The following NRG3 variants were observed in gnomAD, a reference collection of about 807,000 sequenced individuals.
The protein encoded by NRG3 is neuregulin 3.
Under a neutral mutation model 66.9 loss-of-function variants are expected in NRG3, and 31 were observed. The ratio of observed to expected loss-of-function variants is 0.46; its 90% confidence interval spans 0.35 to 0.63. NRG3 has a LOEUF of 0.63. Among genes scored for constraint, NRG3 ranks in the 20% least tolerant of loss-of-function variants. The pLI, the probability that NRG3 is intolerant of heterozygous loss-of-function variation, is 0.00. For missense variants in NRG3, 910 were observed against 878.9 expected (o/e 1.04, Z -0.45); for synonymous variants, 393 against 359.4 (o/e 1.09, Z -1.06).
chr10:81,944,586 GGTTA>G (rs2133126628), intron 1 of NRG3, among the ~76,000 whole-genome samples: 1 of 152,286 alleles, frequency 6.6e-6, no homozygotes, highest in South Asian at 2.1e-4. Flanking sequence ...GATTGGTATA[GGTTA>G]GTAAGTGTCA....
intron 2 of NRG3, among the ~76,000 whole-genome samples, chr10:82,609,486 G>A (rs2048173061): frequency 6.6e-6 from 1 of 151,696 alleles, no homozygotes; most frequent in African/African-American, 2.4e-5. Context: ...TTGCTGAAGT[G>A]TCATTTTCTG....
chr10:82,700,435 G>A (rs144710312), intron 2 of NRG3, among the ~76,000 whole-genome samples: 260 of 152,258 alleles, frequency 1.7e-3, no homozygotes, highest in African/African-American at 4.9e-3. Context: ...AGTTGGAGGT[G>A]GAAAGAGGGC....
intron 1 of NRG3, among the ~76,000 whole-genome samples, chr10:82,314,726 C>T (rs1221983503): frequency 2.6e-5 from 4 of 152,138 alleles, no homozygotes; most frequent in African/African-American, 7.2e-5. Flanking sequence ...AGGAGAATGG[C>T]GTGAACTGGG....
At chr10:82,926,747 C>G (rs1333102911) in intron 4 of NRG3, among the ~76,000 whole-genome samples, 1 of 152,202 alleles carries the variant, frequency 6.6e-6, no homozygotes, top group East Asian at 1.9e-4. Flanking sequence ...AAGTTTCTAA[C>G]TTTGAGGCCT....
rs747063117 is a variant in NRG3 at position 82,472,057 on chromosome 10, G to GA, written c.953+113200dup. On this transcript the variant is annotated intron_variant, in intron 2 of 8. Transcript: ENST00000372141. ...GTGGAGATAAATCATACTTGAAATT[G>GA]AAAAAAAAAAATACTAGAACAAATC... is the stretch of plus-strand genomic sequence containing the variant. Among the ~76,000 whole-genome samples the GA allele has an allele frequency of 2.6e-3, 376 of 145,062 alleles. 2 individuals carry two copies. Among genetic ancestry groups the GA allele is most frequent in the East Asian group, 4.2e-3 (21 of 5,018 alleles).
At chr10:82,260,607 A>G (rs2077975416) in intron 1 of NRG3, among the ~76,000 whole-genome samples, 1 of 152,170 alleles carries the variant, frequency 6.6e-6, no homozygotes, top group Non-Finnish European at 1.5e-5. Context: ...CTGGTTTGAG[A>G]TCGCTAGAGA....
rs894500866 is a variant in NRG3 at position 82,202,629 on chromosome 10, C to G, written c.824-156110C>G. 2.0e-5 allele frequency among the ~76,000 whole-genome samples: 3 copies of G among 152,240 alleles called. 1 individual carries two copies. Among genetic ancestry groups the G allele is most frequent in the African/African-American group, 4.8e-5 (2 of 41,540 alleles). The stretch of plus-strand genomic sequence containing the variant: ...ATTTCTACACAGATCAAAGCTTTTC[C>G]TGTGGTCGGAATGCTCTGATTGAAT... On this transcript the variant is annotated intron_variant, in intron 1 of 8. Coordinates refer to ENST00000372141, the MANE Select transcript of NRG3 (RefSeq NM_001010848.4).
intron 3 of NRG3, among the ~76,000 whole-genome samples, chr10:82,800,563 C>A (rs1355016073): frequency 1.3e-5 from 2 of 152,046 alleles, no homozygotes; most frequent in African/African-American, 4.8e-5. Flanking sequence ...ATGATATTGC[C>A]TAGCATTTAG....
intron 1 of NRG3, among the ~76,000 whole-genome samples, chr10:82,250,626 C>T (rs565735893): frequency 1.5e-4 from 23 of 152,266 alleles, no homozygotes; most frequent in South Asian, 8.3e-4. Flanking sequence ...ATCAAGACCA[C>T]GTTGGTCTTG....
chr10:82,154,037 T>G (rs775313369), intron 1 of NRG3, among the ~76,000 whole-genome samples: 1 of 152,022 alleles, frequency 6.6e-6, no homozygotes, highest in African/African-American at 2.4e-5. Flanking sequence ...CACTTCGTTC[T>G]TAATTGTTTT....
intron 2 of NRG3, among the ~76,000 whole-genome samples, chr10:82,575,060 A>C (rs574881684): frequency 6.6e-6 from 1 of 151,830 alleles, no homozygotes; most frequent in African/African-American, 2.4e-5. Context: ...AAAATTGCAG[A>C]GTGGATAGTG....
intron 1 of NRG3, among the ~76,000 whole-genome samples, chr10:82,111,801 T>C (rs566573907): frequency 6.6e-6 from 1 of 152,338 alleles, no homozygotes; most frequent in East Asian, 1.9e-4. Context: ...GCTTGTCTTG[T>C]CTTGACTAAT....
intron 1 of NRG3, among the ~76,000 whole-genome samples, chr10:81,926,656 A>C (rs1846821495): frequency 6.6e-6 from 1 of 152,156 alleles, no homozygotes. Context: ...TTTATTGTGG[A>C]AGTCCTACTT....
At chr10:82,143,205 AG>A (rs1286881702) in intron 1 of NRG3, among the ~76,000 whole-genome samples, 1 of 152,176 alleles carries the variant, frequency 6.6e-6, no homozygotes, top group Non-Finnish European at 1.5e-5. Flanking sequence ...TGAAAGGCCA[AG>A]GACAGTTTCT....
intron 2 of NRG3, among the ~76,000 whole-genome samples, chr10:82,470,271 C>T (rs983531060): frequency 1.4e-4 from 22 of 152,168 alleles, no homozygotes; most frequent in African/African-American, 5.3e-4. Context: ...TGGTAGAAAT[C>T]GCTGAGGCCT....
intron 2 of NRG3, among the ~76,000 whole-genome samples, chr10:82,572,825 G>C (rs929894752): frequency 6.6e-6 from 1 of 151,758 alleles, no homozygotes; most frequent in African/African-American, 2.4e-5. Context: ...TGAATAAAGA[G>C]AGAACATTTT....
chr10:82,019,904 A>AT (rs901824582), intron 1 of NRG3, among the ~76,000 whole-genome samples: 49 of 151,926 alleles, frequency 3.2e-4, no homozygotes, highest in African/African-American at 1.0e-3. Context: ...TGATTCATTG[A>AT]TTTTTTGAAG....
At chr10:82,169,222 G>A (rs1034334733) in intron 1 of NRG3, among the ~76,000 whole-genome samples, 6 of 151,982 alleles carry the variant, frequency 3.9e-5, no homozygotes, top group Admixed American at 3.9e-4. Context: ...ATTCTAAAAT[G>A]TTGGCTAGAT....
chr10:82,545,783 CTTT>C (rs1002975772), intron 2 of NRG3, among the ~76,000 whole-genome samples: 49 of 91,432 alleles, frequency 5.4e-4, no homozygotes, highest in African/African-American at 1.4e-3. Flanking sequence ...AATATCAACT[CTTT>C]TTTTTTTTTT....
Sources: gnomAD v4.1 joint callset for allele counts (sites outside exome capture counted in the v4.1 genomes callset) on GRCh38, gnomAD v4.1.1 for gene constraint, MANE v1.5 for transcripts, NCBI Gene and HGNC (gene_info 2026-07-23, HGNC 2026-07-21) for gene names.